Variants in RERE observed in about 807,000 individuals in gnomAD.
RERE encodes arginine-glutamic acid dipeptide repeats protein.
Under a neutral mutation model 146.1 loss-of-function variants are expected in RERE, and 40 were observed. The observed-to-expected ratio is 0.27, with a 90% CI of 0.21 to 0.36. The LOEUF (loss-of-function observed/expected upper bound fraction) is 0.36. Ranked by LOEUF, RERE falls within the 10% of genes least tolerant of loss-of-function variation. The pLI is 1.00. For synonymous variants in RERE, 1,003 were observed against 866.0 expected (o/e 1.16, Z -2.78); for missense variants, 1,933 against 2,138.7 (o/e 0.90, Z 1.90).
intron 12 of RERE, among the ~76,000 whole-genome samples, chr1:8,384,121 G>A (rs1163303376): frequency 2.6e-5 from 4 of 152,128 alleles, no homozygotes; most frequent in African/African-American, 9.7e-5. Flanking sequence ...ACAATCAACC[G>A]CCTCACCCCA....
intron 6 of RERE, among the ~76,000 whole-genome samples, chr1:8,551,564 T>A (rs576107335): frequency 1.3e-5 from 2 of 152,188 alleles, no homozygotes; most frequent in Admixed American, 6.5e-5. Context: ...ATTAACTCAG[T>A]ACAAAATTAC....
intron 17 of RERE, 131 bp from the exon 18 acceptor site, chr1:8,361,621 G>C (rs375209607): frequency 5.4e-5 from 74 of 1,380,460 alleles, no homozygotes; most frequent in Non-Finnish European, 6.7e-5. Flanking sequence ...ACCACAGGTC[G>C]TGCCCTGACC....
At chr1:8,522,979 C>T (rs1178315094) in intron 7 of RERE, among the ~76,000 whole-genome samples, 1 of 152,032 alleles carries the variant, frequency 6.6e-6, no homozygotes, top group Non-Finnish European at 1.5e-5. Context: ...AAGTTTAAGA[C>T]CAACCTGGGC....
chr1:8,786,901 A>G (rs1641268741), intron 1 of RERE: 4 of 866,130 alleles, frequency 4.6e-6, no homozygotes, highest in Middle Eastern at 3.3e-4. Flanking sequence ...TTCTGGCACA[A>G]CAGGAACCTT....
intron 4 of RERE, among the ~76,000 whole-genome samples, chr1:8,591,222 A>T (rs1646488892): frequency 6.6e-6 from 1 of 152,196 alleles, no homozygotes; most frequent in Non-Finnish European, 1.5e-5. Flanking sequence ...CAGATAAGGA[A>T]CGCCTTTCTC....
chr1:8,387,156 AG>A, intron 12 of RERE, among the ~76,000 whole-genome samples: 1 of 152,256 alleles, frequency 6.6e-6, no homozygotes, highest in South Asian at 2.1e-4. Context: ...AAAACAGCTT[AG>A]AAACAGATTC....
intron 6 of RERE, among the ~76,000 whole-genome samples, chr1:8,549,212 T>C (rs1645904330): frequency 6.6e-6 from 1 of 152,118 alleles, no homozygotes; most frequent in South Asian, 2.1e-4. Flanking sequence ...CCCCGGTTCC[T>C]CACAGAATGG....
At chr1:8,657,322 AG>A (rs59388838) in intron 1 of RERE, among the ~76,000 whole-genome samples, 70,039 of 108,352 alleles carry the variant, frequency 0.65, 20,007 homozygotes, top group East Asian at 0.78. Context: ...AAAAAAAAAA[AG>A]AAGAAGAAAA....
chr1:8,588,813 A>G (rs923079915), intron 4 of RERE, among the ~76,000 whole-genome samples: 18 of 152,196 alleles, frequency 1.2e-4, no homozygotes, highest in Admixed American at 1.1e-3. Context: ...GTACCACCTT[A>G]AAACATGGCT....
Position 8,408,823 on chromosome 1 carries a change from G to A in RERE, c.1284+13904C>T, listed in dbSNP as rs545788881. 2.6e-5 allele frequency among the ~76,000 whole-genome samples: 4 copies of A among 152,262 alleles called. No individual in the cohort carries two copies. In the East Asian group the frequency reaches 7.7e-4, roughly 29 times the overall value. ...AAATGACTCCTGCCGTGAGTGCTGC[G>A]GGGAGGTGGAGGCTGGGCTTGGGGC... On this transcript the variant is annotated intron_variant, in intron 12 of 22. Transcript: ENST00000400908.
intron 1 of RERE, among the ~76,000 whole-genome samples, chr1:8,696,254 C>T (rs969550632): frequency 2.6e-5 from 4 of 152,186 alleles, no homozygotes; most frequent in African/African-American, 7.2e-5. Context: ...TTCATCACAG[C>T]GCTATACACA....
chr1:8,451,015 C>T (rs549648092), intron 11 of RERE, among the ~76,000 whole-genome samples: 37 of 152,286 alleles, frequency 2.4e-4, no homozygotes, highest in Middle Eastern at 3.4e-3. Context: ...GCTACCATGA[C>T]CCCCACAACA....
chr1:8,378,114 T>C (rs1379990153), intron 12 of RERE, among the ~76,000 whole-genome samples: 1 of 152,266 alleles, frequency 6.6e-6, no homozygotes, highest in Non-Finnish European at 1.5e-5. Flanking sequence ...CTTAATTTTC[T>C]CACTGCATTA....
At chr1:8,677,697 TTC>T (rs570866497) in intron 1 of RERE, among the ~76,000 whole-genome samples, 2 of 152,190 alleles carry the variant, frequency 1.3e-5, no homozygotes, top group Non-Finnish European at 2.9e-5. Context: ...GCTAGTCAAT[TTC>T]TCTGTCTAGA....
chr1:8,553,700 T>C (rs1176155020), intron 6 of RERE, among the ~76,000 whole-genome samples: 1 of 152,190 alleles, frequency 6.6e-6, no homozygotes, highest in East Asian at 1.9e-4. Context: ...ATTATAATTA[T>C]ATACCCAGTG....
chr1:8,652,557 A>C (rs1321099028), intron 2 of RERE, among the ~76,000 whole-genome samples: 1 of 152,224 alleles, frequency 6.6e-6, no homozygotes, highest in African/African-American at 2.4e-5. Flanking sequence ...CCACAATTCC[A>C]CAGGGCTGGG....
chr1:8,527,453 A>T (rs557178025), intron 7 of RERE, among the ~76,000 whole-genome samples: 52 of 152,252 alleles, frequency 3.4e-4, no homozygotes, highest in South Asian at 1.0e-3. Context: ...AAAAAAACAA[A>T]CTATCTAACC....
chr1:8,793,157 CAAAAAAAAAA>C (rs1015889392), intron 1 of RERE, among the ~76,000 whole-genome samples: 28 of 49,316 alleles, frequency 5.7e-4, no homozygotes, highest in Non-Finnish European at 1.0e-3. Flanking sequence ...ACTCCATCTC[CAAAAAAAAAA>C]AAAAAAAAAA....
intron 3 of RERE, among the ~76,000 whole-genome samples, chr1:8,618,326 C>T (rs2124207330): frequency 6.6e-6 from 1 of 152,198 alleles, no homozygotes; most frequent in East Asian, 1.9e-4. Flanking sequence ...AGTTAAGAGG[C>T]TTAAGTGTAT....
Sources: allele counts gnomAD v4.1 joint callset (sites outside exome capture counted in the v4.1 genomes callset), GRCh38; gene constraint gnomAD v4.1.1; transcripts MANE v1.5; gene names NCBI Gene and HGNC (gene_info 2026-07-23, HGNC 2026-07-21).